Variants in NTRK3 observed in about 807,000 individuals in gnomAD.
NTRK3 encodes neurotrophic receptor tyrosine kinase 3, also known as NT-3 growth factor receptor.
Under a neutral mutation model 91.7 loss-of-function variants are expected in NTRK3, and 24 were observed. The observed-to-expected ratio is 0.26, with a 90% CI of 0.19 to 0.37. NTRK3 has a LOEUF of 0.37. NTRK3 is among the 10% of genes least tolerant of loss of function. NTRK3 has a pLI of 1.00. For synonymous variants in NTRK3, 483 were observed against 404.0 expected (o/e 1.20, Z -2.34); for missense variants, 880 against 1,068.9 (o/e 0.82, Z 2.46).
At chr15:87,897,930 A>G (rs1249736713) in intron 17 of NTRK3, among the ~76,000 whole-genome samples, 1 of 152,224 alleles carries the variant, frequency 6.6e-6, no homozygotes, top group Non-Finnish European at 1.5e-5. Flanking sequence ...AAGCAACCAT[A>G]GAGAATTTAT....
chr15:87,879,305 G>T (rs2065112870), intron 18 of NTRK3, among the ~76,000 whole-genome samples: 1 of 152,138 alleles, frequency 6.6e-6, no homozygotes, highest in Non-Finnish European at 1.5e-5. Context: ...ACCATAAAAA[G>T]AATTGCGATG....
chr15:87,952,752 G>A (rs1204386495), intron 14 of NTRK3, among the ~76,000 whole-genome samples: 2 of 152,098 alleles, frequency 1.3e-5, no homozygotes, highest in Non-Finnish European at 2.9e-5. Flanking sequence ...CGGGAGTCCC[G>A]AGAGGTCACG....
At chr15:88,131,483 G>A (rs2041340633) in intron 10 of NTRK3, among the ~76,000 whole-genome samples, 6 of 152,084 alleles carry the variant, frequency 3.9e-5, no homozygotes, top group Admixed American at 2.0e-4. Flanking sequence ...CACATTCCTG[G>A]GCATACCCTT....
intron 5 of NTRK3, among the ~76,000 whole-genome samples, chr15:88,162,469 G>A (rs529867250): frequency 3.3e-4 from 51 of 152,328 alleles, no homozygotes; most frequent in Admixed American, 9.8e-4. Context: ...CCAGCAGAAG[G>A]AGAGGGGAGA....
chr15:88,133,071 TA>T (rs2041525090), intron 10 of NTRK3, among the ~76,000 whole-genome samples: 1 of 152,134 alleles, frequency 6.6e-6, no homozygotes. Context: ...TCTGATTCCG[TA>T]GATGTGAGTG....
At chr15:87,932,062 G>T (rs984132148) in intron 16 of NTRK3, among the ~76,000 whole-genome samples, 1 of 152,170 alleles carries the variant, frequency 6.6e-6, no homozygotes, top group Non-Finnish European at 1.5e-5. Context: ...TTTGGAAGTG[G>T]CATCTGCAGA....
At chr15:88,216,773 T>C (rs767509872) in intron 3 of NTRK3, among the ~76,000 whole-genome samples, 1 of 152,190 alleles carries the variant, frequency 6.6e-6, no homozygotes, top group Non-Finnish European at 1.5e-5. Context: ...CCTCCTCCCA[T>C]GGCAAGAGCT....
intron 14 of NTRK3, among the ~76,000 whole-genome samples, chr15:88,004,245 T>C (rs1187362687): frequency 6.6e-6 from 1 of 152,172 alleles, no homozygotes; most frequent in East Asian, 1.9e-4. Context: ...CAAGAGGGAC[T>C]ATGCCAGAGT....
Position 88,000,368 on chromosome 15 carries a change from T to A in NTRK3, c.1585+32489A>T, listed in dbSNP as rs1230661505. ...GCAAGAATCTCTTCCAATAGGGCAG[T>A]GTATACCAGGCAGGGTTTTTTTCTC... is the stretch of plus-strand genomic sequence containing the variant. On this transcript the variant is annotated intron_variant, in intron 14 of 18. Transcript: ENST00000394480. Among the ~76,000 whole-genome samples, 4 of 152,206 alleles carry A rather than the reference T, an allele frequency of 2.6e-5. No homozygotes were observed. The East Asian group carries it at 5.8e-4, about 22-fold the overall frequency.
At chr15:87,987,464 C>T (rs1042046158) in intron 14 of NTRK3, among the ~76,000 whole-genome samples, 1 of 151,458 alleles carries the variant, frequency 6.6e-6, no homozygotes, top group Non-Finnish European at 1.5e-5. Context: ...TCCTCATTTT[C>T]TTGTGTGTGT....
At chr15:87,999,166 C>T (rs2075922585) in intron 14 of NTRK3, among the ~76,000 whole-genome samples, 1 of 152,170 alleles carries the variant, frequency 6.6e-6, no homozygotes, top group African/African-American at 2.4e-5. Flanking sequence ...GATATTTTAA[C>T]AAACACCCCT....
chr15:88,113,725 G>A (rs2051714954), intron 13 of NTRK3, among the ~76,000 whole-genome samples: 1 of 152,190 alleles, frequency 6.6e-6, no homozygotes, highest in African/African-American at 2.4e-5. Flanking sequence ...TTGGAACACA[G>A]CCATGCTCAT....
chr15:88,160,382 C>A (rs1425975470), intron 5 of NTRK3, among the ~76,000 whole-genome samples: 1 of 152,180 alleles, frequency 6.6e-6, no homozygotes. Flanking sequence ...GAAGCAGAGA[C>A]CTTAGCTTAG....
At chr15:88,073,650 C>T (rs1000984099) in intron 13 of NTRK3, among the ~76,000 whole-genome samples, 2 of 152,138 alleles carry the variant, frequency 1.3e-5, no homozygotes, top group African/African-American at 4.8e-5. Context: ...GATTCTATAA[C>T]TCATTAACAA....
At chr15:87,889,621 G>A (rs1479220611) in intron 17 of NTRK3, among the ~76,000 whole-genome samples, 1 of 151,912 alleles carries the variant, frequency 6.6e-6, no homozygotes, top group African/African-American at 2.4e-5. Flanking sequence ...GGGCTGAGTT[G>A]AATAGTTACA....
chr15:88,057,172 A>G (rs1358561823), intron 13 of NTRK3, among the ~76,000 whole-genome samples: 2 of 147,306 alleles, frequency 1.4e-5, no homozygotes, highest in African/African-American at 5.0e-5. Context: ...CCGTCTCAAA[A>G]AAAAAAAAAA....
chr15:88,150,948 T>C (rs899388464), intron 5 of NTRK3, among the ~76,000 whole-genome samples: 6 of 152,134 alleles, frequency 3.9e-5, no homozygotes, highest in Admixed American at 1.3e-4. Context: ...GGGCCTCACC[T>C]ATATGCACCT....
exon 19 of NTRK3, chr15:87,868,390 A>C: frequency 4.5e-6 from 1 of 224,642 alleles, no homozygotes; most frequent in Non-Finnish European, 8.9e-6. Flanking sequence ...GGAAACTTCC[A>C]ATTCTCCTAA....
chr15:87,960,161 G>C (rs1405855444), intron 14 of NTRK3, among the ~76,000 whole-genome samples: 1 of 152,152 alleles, frequency 6.6e-6, no homozygotes, highest in Non-Finnish European at 1.5e-5. Context: ...CCTCGAACAA[G>C]ACTAATCCAG....
Sources: gnomAD v4.1 joint callset for allele counts (sites outside exome capture counted in the v4.1 genomes callset) on GRCh38, gnomAD v4.1.1 for gene constraint, MANE v1.5 for transcripts, NCBI Gene and HGNC (gene_info 2026-07-23, HGNC 2026-07-21) for gene names.